Variants in GALNT17 observed in about 807,000 individuals in gnomAD.
GALNT17 encodes polypeptide N-acetylgalactosaminyltransferase 17.
Under a neutral mutation model 63.7 loss-of-function variants are expected in GALNT17, and 29 were observed. The observed-to-expected ratio is 0.46, with a 90% CI of 0.34 to 0.62. GALNT17 has a LOEUF of 0.62. GALNT17 is among the 20% of genes least tolerant of loss of function. GALNT17 has a pLI of 0.01. For synonymous variants in GALNT17, 305 were observed against 318.3 expected (o/e 0.96, Z 0.45); for missense variants, 603 against 799.6 (o/e 0.75, Z 2.97).
chr7:71,164,168 T>C (rs1442932961), intron 1 of GALNT17, among the ~76,000 whole-genome samples: 1 of 152,208 alleles, frequency 6.6e-6, no homozygotes, highest in East Asian at 1.9e-4. Flanking sequence ...GTTGTCTGGA[T>C]TAGTCAATTT....
intron 5 of GALNT17, among the ~76,000 whole-genome samples, chr7:71,529,986 A>G (rs142838221): frequency 4.6e-5 from 7 of 152,368 alleles, no homozygotes; most frequent in Admixed American, 2.6e-4. Context: ...ATTAATTATG[A>G]TAATCAAAGT....
intron 5 of GALNT17, among the ~76,000 whole-genome samples, chr7:71,449,108 C>CTTTTTTTTTTTTGTTTTT (rs1787211684): frequency 1.4e-5 from 1 of 72,754 alleles, no homozygotes; most frequent in African/African-American, 5.7e-5. Context: ...TGCCTATTTT[C>CTTTTTTTTTTTTGTTTTT]TTTTTTTTTT....
At position 71,713,437 on chromosome 7, in the gene GALNT17, T is replaced by TC. The variant is rs1468180040; in HGVS notation, c.*1295dup. Reference sequence around the variant, plus strand: ...CCATCTCCCAGTCCCCATCTCTTTTTCCCCACACTGTCCCTGGCCAAGCCC... The same window carrying TC: ...CCATCTCCCAGTCCCCATCTCTTTTTCCCCCACACTGTCCCTGGCCAAGCCC... On this transcript the variant is annotated 3_prime_UTR_variant, in exon 11 of 11. Coordinates refer to ENST00000333538, the MANE Select transcript of GALNT17 (RefSeq NM_022479.3). 1 of 152,728 alleles carries TC rather than the reference T, an allele frequency of 6.5e-6. No homozygotes were observed. The highest frequency in any genetic ancestry group is 1.5e-5 in the Non-Finnish European group (1 of 68,514). 9.5% of individuals were successfully genotyped at this position (152,728 alleles called of 1,614,324 possible). A position where few individuals can be genotyped will look rare whatever the true frequency, so the allele number is the denominator to read the frequency against.
At chr7:71,372,061 A>G (rs1583898170) in intron 2 of GALNT17, among the ~76,000 whole-genome samples, 1 of 152,190 alleles carries the variant, frequency 6.6e-6, no homozygotes, top group Non-Finnish European at 1.5e-5. Context: ...GCTCACTGCC[A>G]TCTTGAACTT....
intron 1 of GALNT17, among the ~76,000 whole-genome samples, chr7:71,154,311 G>T (rs1192688289): frequency 6.6e-6 from 1 of 152,206 alleles, no homozygotes; most frequent in Non-Finnish European, 1.5e-5. Context: ...ACACATGAGT[G>T]AGCAAGCCTC....
intron 5 of GALNT17, among the ~76,000 whole-genome samples, chr7:71,554,182 A>G (rs1055733123): frequency 2.0e-5 from 3 of 152,040 alleles, no homozygotes; most frequent in Non-Finnish European, 4.4e-5. Flanking sequence ...CCCAAATCTC[A>G]TCTTGAATTG....
intron 5 of GALNT17, among the ~76,000 whole-genome samples, chr7:71,550,810 C>T (rs920131986): frequency 1.8e-4 from 27 of 152,092 alleles, no homozygotes; most frequent in South Asian, 6.2e-4. Context: ...TCATTATGAT[C>T]GATAATATTT....
chr7:71,445,360 TTTG>T (rs1232151154), intron 5 of GALNT17, among the ~76,000 whole-genome samples: 1 of 151,066 alleles, frequency 6.6e-6, no homozygotes, highest in Non-Finnish European at 1.5e-5. Context: ...TGTATTTTTG[TTTG>T]TTTTTTTTTT....
chr7:71,663,416 C>T (rs11975195), intron 6 of GALNT17, among the ~76,000 whole-genome samples: 18,835 of 152,070 alleles, frequency 0.12, 2,050 homozygotes, highest in East Asian at 0.58. Context: ...GAAATTCAGC[C>T]GCCTTGTTTT....
At chr7:71,690,019 C>G (rs376641453) in intron 9 of GALNT17, among the ~76,000 whole-genome samples, 1 of 142,826 alleles carries the variant, frequency 7.0e-6, no homozygotes, top group Non-Finnish European at 1.5e-5. Context: ...TACTGAATAT[C>G]TTTTTTTTTT....
In GALNT17 at chr7:71,591,336, G is replaced by A. The variant is rs764942585; in HGVS notation, c.1080+19934G>A. ...CTCCCAGAGTGCTGGGATTACAGGC[G>A]TGAGCCACCACCACGCCTGGCTCTA... On this transcript the variant is annotated intron_variant, in intron 6 of 10. Transcript: ENST00000333538. Among the ~76,000 whole-genome samples, 6 of 152,020 alleles carry A rather than the reference G, an allele frequency of 3.9e-5. No individual in the cohort carries two copies. In the South Asian group the frequency reaches 1.0e-3, roughly 26 times the overall value.
intron 1 of GALNT17, among the ~76,000 whole-genome samples, chr7:71,223,841 A>G (rs139873373): frequency 7.4e-4 from 112 of 152,224 alleles, no homozygotes; most frequent in African/African-American, 2.4e-3. Flanking sequence ...GCATTAGTTT[A>G]CTAAAGGATA....
intron 5 of GALNT17, among the ~76,000 whole-genome samples, chr7:71,512,850 C>T (rs1788383819): frequency 6.6e-6 from 1 of 152,188 alleles, no homozygotes; most frequent in Admixed American, 6.5e-5. Flanking sequence ...GCCTGAGGCC[C>T]AGGTCGGCTG....
chr7:71,304,724 T>C (rs1322183676), intron 1 of GALNT17, among the ~76,000 whole-genome samples: 1 of 152,162 alleles, frequency 6.6e-6, no homozygotes, highest in Non-Finnish European at 1.5e-5. Context: ...CCATTGCCAG[T>C]TTTACCTACA....
At chr7:71,499,564 C>A in intron 5 of GALNT17, among the ~76,000 whole-genome samples, 1 of 152,192 alleles carries the variant, frequency 6.6e-6, no homozygotes, top group Middle Eastern at 3.4e-3. Flanking sequence ...ATTAATGATA[C>A]GATTGTTTTA....
At chr7:71,336,031 CCTTT>C in intron 2 of GALNT17, among the ~76,000 whole-genome samples, 1 of 21,246 alleles carries the variant, frequency 4.7e-5, no homozygotes, top group Non-Finnish European at 8.2e-5. Flanking sequence ...CTTCTTTCTT[CCTTT>C]TTTTTTTTTT....
At chr7:71,474,941 G>A (rs1439862545) in intron 5 of GALNT17, among the ~76,000 whole-genome samples, 1 of 152,160 alleles carries the variant, frequency 6.6e-6, no homozygotes, top group Admixed American at 6.5e-5. Context: ...AGAAGGTGGT[G>A]TGACCACAGA....
intron 1 of GALNT17, among the ~76,000 whole-genome samples, chr7:71,298,197 T>C (rs1473691397): frequency 6.6e-6 from 1 of 151,988 alleles, no homozygotes; most frequent in Non-Finnish European, 1.5e-5. Flanking sequence ...ATTTTTGTAT[T>C]TTTAGTAGAG....
chr7:71,415,962 G>A lies in GALNT17; in HGVS notation c.663G>A (p.Gln221=), dbSNP rs1793517080. 1 of 1,613,892 alleles carries A rather than the reference G, an allele frequency of 6.2e-7. No individual in the cohort carries two copies. Among genetic ancestry groups the A allele is most frequent in the Non-Finnish European group, 8.5e-7 (1 of 1,179,896 alleles). Residue 221 remains glutamine, a synonymous_variant, in exon 4 of 11, where the codon CAG becomes CAA. Transcript: ENST00000333538. The stretch of plus-strand genomic sequence containing the variant: ...GGCTGGTGAAGGTGGTAAGAAATCA[G>A]AAGAGGGAAGGCCTGATCCGCGCTC... The part of the protein sequence containing the change: ...YPGLVKVVRN[Q]KREGLIRARI...
Sources: allele counts gnomAD v4.1 joint callset (sites outside exome capture counted in the v4.1 genomes callset), GRCh38; gene constraint gnomAD v4.1.1; transcripts MANE v1.5; gene names NCBI Gene and HGNC (gene_info 2026-07-23, HGNC 2026-07-21).